The following NRG2 variants were observed in gnomAD, a reference collection of about 807,000 sequenced individuals.
NRG2 encodes neuregulin 2.
In NRG2, 27 loss-of-function variants were observed where a neutral mutation model predicts 73.9. The ratio of observed to expected loss-of-function variants is 0.37; its 90% CI spans 0.27 to 0.50. NRG2 has a LOEUF of 0.50. Ranked by LOEUF, NRG2 falls within the 20% of genes least tolerant of loss-of-function variation. The pLI is 0.96. For missense variants in NRG2, 1,126 were observed against 1,210.1 expected, an observed-to-expected ratio of 0.93 and a Z score of 1.03; for synonymous variants, 532 against 541.0, an observed-to-expected ratio of 0.98 and a Z score of 0.23.
chr5:140,005,218 A>G lies in NRG2; in HGVS notation c.700+37152T>C, dbSNP rs190158641. On this transcript the variant is annotated intron_variant, in intron 1 of 9. Coordinates refer to ENST00000361474, the MANE Select transcript of NRG2 (RefSeq NM_004883.3). ...TGAAGTATCTGTCTTCCCATATATA[A>G]GAACTCCTCCTGTGAACATCAAAGG... is the stretch of plus-strand genomic sequence containing the variant. 3.4e-4 allele frequency among the ~76,000 whole-genome samples: 52 copies of G among 152,292 alleles called. No individual in the cohort carries two copies. The East Asian group carries it at 9.8e-3, about 29-fold the overall frequency.
Position 139,851,073 on chromosome 5 carries a change from C to T in NRG2, c.1772+531G>A, listed in dbSNP as rs192260173. Reference sequence around the variant, plus strand: ...CGCCATCTCAGCTCACTGCAACCTCCGCCTCCCAGGTGAAGGGATGCTCTT... The same window carrying T: ...CGCCATCTCAGCTCACTGCAACCTCTGCCTCCCAGGTGAAGGGATGCTCTT... On this transcript the variant is annotated intron_variant, in intron 9 of 9. Coordinates refer to ENST00000361474, the MANE Select transcript of NRG2 (RefSeq NM_004883.3). The surrounding 1 kb of genome is among the most constrained non-coding windows in gnomAD (Gnocchi z 4.2). Among the ~76,000 whole-genome samples the T allele has an allele frequency of 2.6e-4, 40 of 152,060 alleles. 1 individual carries two copies. The highest frequency in any genetic ancestry group is 7.7e-4 in the African/African-American group (32 of 41,482).
At chr5:139,932,935 G>A (rs1752585097) in intron 1 of NRG2, among the ~76,000 whole-genome samples, 2 of 152,232 alleles carry the variant, frequency 1.3e-5, no homozygotes, top group South Asian at 4.1e-4. Context: ...TTAAATGTAA[G>A]TGGTCTGACT....
At chr5:139,963,032 T>C (rs545244885) in intron 1 of NRG2, among the ~76,000 whole-genome samples, 11 of 152,378 alleles carry the variant, frequency 7.2e-5, no homozygotes, top group African/African-American at 2.2e-4. Flanking sequence ...CCAGGTTCAA[T>C]CTCAACAGGT....
intron 6 of NRG2, among the ~76,000 whole-genome samples, chr5:139,854,614 G>C (rs1161433680): frequency 6.6e-6 from 1 of 152,160 alleles, no homozygotes; most frequent in South Asian, 2.1e-4. Context: ...CAGACTTTCT[G>C]GTCCTGGATT....
At position 139,872,427 on chromosome 5, in the gene NRG2, A is replaced by G. The variant is rs191821176; in HGVS notation, c.992-586T>C. Among the ~76,000 whole-genome samples, 247 of 152,162 alleles carry G rather than the reference A, an allele frequency of 1.6e-3. 1 individual carries two copies. Among genetic ancestry groups the G allele is most frequent in the Non-Finnish European group, 8.1e-4 (55 of 67,974 alleles). On this transcript the variant is annotated intron_variant, in intron 3 of 9. Transcript: ENST00000361474. ...ACCCTAGCTTCTGCTCTCTTCCCCC[A>G]TTCTCCAAGGTCTGGGCTAGCTCCA...
At chr5:140,034,319 G>C (rs1761354361) in intron 1 of NRG2, among the ~76,000 whole-genome samples, 1 of 150,464 alleles carries the variant, frequency 6.6e-6, no homozygotes, top group African/African-American at 2.4e-5. Context: ...TCATTACACA[G>C]TTTTGGGTCG....
intron 3 of NRG2, among the ~76,000 whole-genome samples, chr5:139,875,419 T>TG (rs1259670974): frequency 1.3e-5 from 2 of 152,216 alleles, no homozygotes; most frequent in African/African-American, 2.4e-5. Context: ...GCATGGTGCC[T>TG]GGCACATAAC....
At chr5:139,942,749 C>G (rs185479238) in intron 1 of NRG2, among the ~76,000 whole-genome samples, 2 of 152,306 alleles carry the variant, frequency 1.3e-5, no homozygotes, top group African/African-American at 4.8e-5. Context: ...TTTCTCTGTA[C>G]ACAGTTTAAT....
intron 1 of NRG2, among the ~76,000 whole-genome samples, chr5:139,921,814 C>A (rs1316720173): frequency 2.0e-5 from 3 of 152,150 alleles, no homozygotes; most frequent in Non-Finnish European, 4.4e-5. Flanking sequence ...ATAATTCCAG[C>A]ACTTTGACAG....
At chr5:139,929,176 T>C (rs1752278152) in intron 1 of NRG2, among the ~76,000 whole-genome samples, 1 of 152,240 alleles carries the variant, frequency 6.6e-6, no homozygotes, top group South Asian at 2.1e-4. Context: ...CTTGTGTCCT[T>C]TGTCATTGTT....
At chr5:139,939,065 GGA>G (rs1381769613) in intron 1 of NRG2, among the ~76,000 whole-genome samples, 6 of 149,616 alleles carry the variant, frequency 4.0e-5, no homozygotes, top group Non-Finnish European at 8.9e-5. Flanking sequence ...AGGAAGGAAG[GGA>G]GAACCTTGAC....
chr5:139,867,803 T>TGTGA (rs1762577819), intron 4 of NRG2, among the ~76,000 whole-genome samples: 2 of 113,652 alleles, frequency 1.8e-5, no homozygotes, highest in Admixed American at 9.1e-5. Flanking sequence ...TGTGTATGAG[T>TGTGA]GTGTGTGTGT....
In NRG2 at chr5:140,042,126, G is replaced by A. The variant is rs950144212; in HGVS notation, c.700+244C>T. On this transcript the variant is annotated intron_variant, in intron 1 of 9. Coordinates refer to ENST00000361474, the MANE Select transcript of NRG2 (RefSeq NM_004883.3). ...TGCCATACATCAGCCGCAGATCCCC[G>A]CTGGCACAGGCCAGCGCCTCCCTCC... Among the ~76,000 whole-genome samples the A allele has an allele frequency of 3.9e-5, 6 of 152,120 alleles. No individual in the cohort carries two copies. The South Asian group carries it at 8.3e-4, about 21-fold the overall frequency.
chr5:139,886,065 A>AC (rs1170222928), intron 2 of NRG2, among the ~76,000 whole-genome samples: 2 of 149,932 alleles, frequency 1.3e-5, no homozygotes, highest in Admixed American at 1.3e-4. Context: ...GACATATAGA[A>AC]CCCCCCACTC....
chr5:139,867,798 A>AGTGTGTGTGTG (rs1762571780), intron 4 of NRG2, among the ~76,000 whole-genome samples: 1 of 57,240 alleles, frequency 1.7e-5, no homozygotes, highest in African/African-American at 9.9e-5. Context: ...GTGTGTGTGT[A>AGTGTGTGTGTG]TGAGTGTGTG....
At chr5:140,036,408 C>T (rs142186472) in intron 1 of NRG2, among the ~76,000 whole-genome samples, 2 of 152,328 alleles carry the variant, frequency 1.3e-5, no homozygotes, top group Non-Finnish European at 2.9e-5. Context: ...TAATCGTCCT[C>T]TATGTGTGCT....
intron 4 of NRG2, among the ~76,000 whole-genome samples, chr5:139,866,369 G>A (rs1157517248): frequency 6.6e-6 from 1 of 152,138 alleles, no homozygotes; most frequent in Non-Finnish European, 1.5e-5. Context: ...ACTTCACCAT[G>A]GATGTTGTTT....
chr5:139,890,546 T>G (rs1764153610), intron 1 of NRG2, among the ~76,000 whole-genome samples: 1 of 151,488 alleles, frequency 6.6e-6, no homozygotes, highest in African/African-American at 2.4e-5. Flanking sequence ...TTTTTGGAAC[T>G]TCATTATTCT....
At chr5:139,863,447 C>T (rs930199325) in intron 5 of NRG2, among the ~76,000 whole-genome samples, 2 of 152,244 alleles carry the variant, frequency 1.3e-5, no homozygotes, top group East Asian at 1.9e-4. Context: ...TCTGGGCTCC[C>T]GGGGCCCTGC....
Sources: allele counts gnomAD v4.1 joint callset (sites outside exome capture counted in the v4.1 genomes callset), GRCh38; gene constraint gnomAD v4.1.1; non-coding constraint Gnocchi (gnomAD v3.1); transcripts MANE v1.5; gene names NCBI Gene and HGNC (gene_info 2026-07-23, HGNC 2026-07-21).